Variants in OLAH observed in about 807,000 individuals in gnomAD.
The protein encoded by OLAH is oleoyl-ACP hydrolase, also known as S-acyl fatty acid synthase thioesterase, medium chain.
In OLAH, 33 loss-of-function variants were observed where a neutral mutation model predicts 27.8. That is an observed-to-expected ratio of 1.19 (90% CI 0.90 to 1.59). OLAH has a LOEUF of 1.59. OLAH is among the 40% of genes most tolerant of loss of function. The pLI, the probability that OLAH is intolerant of heterozygous loss-of-function variation, is 0.00. For synonymous variants in OLAH, 120 were observed against 102.9 expected (o/e 1.17, Z -1.01); for missense variants, 359 against 310.8 (o/e 1.16, Z -1.17).
chr10:15,070,714 C>G (rs1449516040), intron 6 of OLAH, among the ~76,000 whole-genome samples: 3 of 151,418 alleles, frequency 2.0e-5, no homozygotes, highest in Non-Finnish European at 4.4e-5. Context: ...CTCCCAACCT[C>G]AGGTGATCCA....
At chr10:15,072,970 A>T (rs1844620790) in intron 7 of OLAH, 117 bp from the exon 8 acceptor site, 1 of 908,594 alleles carries the variant, frequency 1.1e-6, no homozygotes, top group Non-Finnish European at 1.7e-6. Context: ...CACCTAGAAC[A>T]TAAGGCCTTG....
Position 15,059,431 on chromosome 10 carries a change from T to G in OLAH, c.164-2293T>G, listed in dbSNP as rs1015769263. Among the ~76,000 whole-genome samples, 18 of 151,740 alleles carry G rather than the reference T, an allele frequency of 1.2e-4. No individual in the cohort carries two copies. The East Asian group carries it at 2.4e-3, about 20-fold the overall frequency. On this transcript the variant is annotated intron_variant, in intron 3 of 7. Coordinates refer to ENST00000378228, the MANE Select transcript of OLAH (RefSeq NM_001039702.3). ...CTCAAACTCCTGGGCTCAAGCACCT[T>G]CAGCCTCGGCCTCCCAAAGTGCTGG... is the stretch of plus-strand genomic sequence containing the variant.
At chr10:15,045,046 A>T (rs1436460170) in intron 1 of OLAH, among the ~76,000 whole-genome samples, 1 of 152,190 alleles carries the variant, frequency 6.6e-6, no homozygotes, top group Non-Finnish European at 1.5e-5. Context: ...CTTCAATCAA[A>T]TGAAAGCATC....
rs778627776 is a variant in OLAH, at chr10:15,061,717, T to C, written c.164-7T>C. ...GTGCGTGTTCACTTGTGTTTCTCCA[T>C]CTCCAGTGCACTCCTTAAGGCTTCC... On this transcript the variant is annotated splice_polypyrimidine_tract_variant and splice_region_variant and intron_variant, in intron 3 of 7. Transcript: ENST00000378228. The C allele has an allele frequency of 5.0e-6, 8 of 1,591,096 alleles. No homozygotes were observed. Among genetic ancestry groups the C allele is most frequent in the Non-Finnish European group, 6.0e-6 (7 of 1,170,404 alleles).
chr10:15,050,157 C>T (rs1844106269), intron 3 of OLAH, among the ~76,000 whole-genome samples: 1 of 152,230 alleles, frequency 6.6e-6, no homozygotes. Flanking sequence ...GTGGCGCACG[C>T]TTGTAATACC....
intron 3 of OLAH, among the ~76,000 whole-genome samples, chr10:15,059,538 G>A (rs1306736058): frequency 6.7e-6 from 1 of 150,184 alleles, no homozygotes; most frequent in African/African-American, 2.4e-5. Flanking sequence ...GGGCACAGTG[G>A]TTCATGTCTG....
intron 1 of OLAH, among the ~76,000 whole-genome samples, chr10:15,037,580 C>CAAAAAAAAAAAAAAAAA (rs66522152): frequency 7.1e-6 from 1 of 141,202 alleles, no homozygotes; most frequent in African/African-American, 2.6e-5. Context: ...GACTCCGTAT[C>CAAAAAAAAAAAAAAAAA]AAAAAAAAAA....
At chr10:15,066,460 A>C (rs918530445) in intron 6 of OLAH, among the ~76,000 whole-genome samples, 1 of 151,884 alleles carries the variant, frequency 6.6e-6, no homozygotes, top group African/African-American at 2.4e-5. Flanking sequence ...TTTTTTGTAC[A>C]TTTTGTTCCA....
chr10:15,057,051 C>T, intron 3 of OLAH: 1 of 1,293,310 alleles, frequency 7.7e-7, no homozygotes, highest in Non-Finnish European at 9.9e-7. Context: ...TGTCTTCTGA[C>T]TCACAGAAGC....
At chr10:15,044,657 G>A (rs917872863) in intron 1 of OLAH, among the ~76,000 whole-genome samples, 1 of 151,828 alleles carries the variant, frequency 6.6e-6, no homozygotes, top group Non-Finnish European at 1.5e-5. Context: ...GTTTTTACTT[G>A]TCTGAAAATG....
intron 1 of OLAH, among the ~76,000 whole-genome samples, chr10:15,032,847 ATTC>A (rs1843780640): frequency 6.6e-6 from 1 of 151,038 alleles, no homozygotes; most frequent in Non-Finnish European, 1.5e-5. Flanking sequence ...AACTTCCTTA[ATTC>A]TGACACCTAT....
In OLAH at chr10:15,073,290, G is replaced by C; in HGVS notation, c.*61G>C. On this transcript the variant is annotated 3_prime_UTR_variant, in exon 8 of 8. Transcript: ENST00000378228. Reference sequence around the variant, plus strand: ...ATATCATACTCTTCTCAGTTATTCAGATATAGCTCAGTTTTATTCAGATTG... The same window carrying C: ...ATATCATACTCTTCTCAGTTATTCACATATAGCTCAGTTTTATTCAGATTG... 1.8e-6 allele frequency: 2 copies of C among 1,107,906 alleles called. No individual in the cohort carries two copies. The highest frequency in any genetic ancestry group is 2.6e-6 in the Non-Finnish European group (2 of 761,052). The allele number at this position is 1,107,906 out of a possible 1,614,324, so 68.6% of individuals were successfully genotyped here. A position where few individuals can be genotyped will look rare whatever the true frequency, so the allele number is the denominator to read the frequency against.
At chr10:15,068,709 A>G (rs914495676) in intron 6 of OLAH, among the ~76,000 whole-genome samples, 3 of 152,142 alleles carry the variant, frequency 2.0e-5, no homozygotes, top group African/African-American at 7.2e-5. Flanking sequence ...ATTTTATAAA[A>G]TCAAAAGCCA....
At chr10:15,069,538 T>A (rs1386623494) in intron 6 of OLAH, among the ~76,000 whole-genome samples, 3 of 152,102 alleles carry the variant, frequency 2.0e-5, no homozygotes, top group East Asian at 3.9e-4. Context: ...TCACTCCTAA[T>A]TGTTCTCGTC....
chr10:15,065,659 G>A lies in OLAH; in HGVS notation c.478G>A (p.Gly160Arg). The A allele has an allele frequency of 6.2e-7, 1 of 1,614,114 alleles. No homozygotes were observed. Among genetic ancestry groups the A allele is most frequent in the Non-Finnish European group, 8.5e-7 (1 of 1,180,008 alleles). ...EQISHYLMEF[G>R]GTPKHFAEAK... The stretch of plus-strand genomic sequence containing the variant: ...AATAAGTCATTACCTTATGGAATTT[G>A]GAGGCACCCCCAAGCATTTTGCTGA... Residue 160 changes from glycine (G) to arginine (R), a missense_variant, in exon 6 of 8, where the codon GGA (glycine) becomes AGA (arginine). Coordinates refer to ENST00000378228, the MANE Select transcript of OLAH (RefSeq NM_001039702.3).
chr10:15,057,123 T>C (rs1844261311), intron 3 of OLAH: 19 of 1,128,116 alleles, frequency 1.7e-5, no homozygotes, highest in Non-Finnish European at 1.9e-5. Context: ...TTTTATGGCT[T>C]GCTTTAAAAG....
chr10:15,072,811 A>G (rs1844618135), intron 7 of OLAH, among the ~76,000 whole-genome samples: 1 of 151,022 alleles, frequency 6.6e-6, no homozygotes, highest in Non-Finnish European at 1.5e-5. Context: ...GGAGTTTGGA[A>G]CGTTTCTGGT....
chr10:15,053,169 G>T (rs192944722), intron 3 of OLAH, among the ~76,000 whole-genome samples: 1 of 152,186 alleles, frequency 6.6e-6, no homozygotes, highest in East Asian at 1.9e-4. Flanking sequence ...TAGGTAGTTA[G>T]ACATAAACAA....
intron 4 of OLAH, among the ~76,000 whole-genome samples, chr10:15,062,273 G>A (rs1190213307): frequency 6.6e-6 from 1 of 152,170 alleles, no homozygotes; most frequent in Non-Finnish European, 1.5e-5. Context: ...TTTTCTATAA[G>A]GGTACAATAA....
Sources: allele counts gnomAD v4.1 joint callset (sites outside exome capture counted in the v4.1 genomes callset), GRCh38; gene constraint gnomAD v4.1.1; transcripts MANE v1.5; gene names NCBI Gene and HGNC (gene_info 2026-07-23, HGNC 2026-07-21).